Variants in DTNBP1 observed in about 807,000 individuals in gnomAD.
DTNBP1 encodes the protein dysbindin.
Under a neutral mutation model 42.8 loss-of-function variants are expected in DTNBP1, and 35 were observed. The ratio of observed to expected loss-of-function variants is 0.82; its 90% CI spans 0.63 to 1.09. DTNBP1 has a LOEUF of 1.09. DTNBP1 is among the 50% of genes least tolerant of loss of function. The pLI, the probability that DTNBP1 is intolerant of heterozygous loss-of-function variation, is 0.00. For missense variants in DTNBP1, 457 were observed against 424.2 expected, an observed-to-expected ratio of 1.08 and a Z score of -0.68; for synonymous variants, 171 against 162.2, an observed-to-expected ratio of 1.05 and a Z score of -0.41.
At chr6:15,648,928 T>G (rs1005978940) in intron 3 of DTNBP1, among the ~76,000 whole-genome samples, 1 of 151,984 alleles carries the variant, frequency 6.6e-6, no homozygotes, top group African/African-American at 2.4e-5. Context: ...CAAAACAATC[T>G]TGACAAGAAA....
At chr6:15,543,516 C>T (rs1773699136) in intron 7 of DTNBP1, among the ~76,000 whole-genome samples, 1 of 152,190 alleles carries the variant, frequency 6.6e-6, no homozygotes. Flanking sequence ...TTGCAGGATA[C>T]AGTAAATTCC....
chr6:15,591,789 TG>T (rs1467008978), intron 7 of DTNBP1, among the ~76,000 whole-genome samples: 2 of 152,350 alleles, frequency 1.3e-5, no homozygotes, highest in South Asian at 2.1e-4. Flanking sequence ...TTAACTTGAT[TG>T]TTTTTTTCAT....
chr6:15,540,091 T>C (rs1773471439), intron 7 of DTNBP1, among the ~76,000 whole-genome samples: 1 of 152,184 alleles, frequency 6.6e-6, no homozygotes. Context: ...CAGGACTCAC[T>C]ATGCACTGAA....
chr6:15,551,899 C>T (rs915802717), intron 7 of DTNBP1, among the ~76,000 whole-genome samples: 1 of 152,220 alleles, frequency 6.6e-6, no homozygotes, highest in African/African-American at 2.4e-5. Context: ...CGCAAAGCCA[C>T]AGCCAGCAGT....
At chr6:15,553,778 G>A (rs1774354336) in intron 7 of DTNBP1, among the ~76,000 whole-genome samples, 1 of 151,792 alleles carries the variant, frequency 6.6e-6, no homozygotes, top group Admixed American at 6.6e-5. Flanking sequence ...ATGGGGTTCA[G>A]GACACAATAC....
chr6:15,533,022 T>TA (rs763077001), intron 8 of DTNBP1, among the ~76,000 whole-genome samples: 112 of 151,826 alleles, frequency 7.4e-4, no homozygotes, highest in African/African-American at 2.6e-3. Flanking sequence ...TTAGAGGTAT[T>TA]AAAAAAAATA....
intron 7 of DTNBP1, among the ~76,000 whole-genome samples, chr6:15,544,902 GT>G (rs1231963211): frequency 6.6e-6 from 1 of 152,080 alleles, no homozygotes; most frequent in Non-Finnish European, 1.5e-5. Flanking sequence ...AATAATTGCT[GT>G]TTCCAAAGGT....
At chr6:15,570,597 G>GT (rs1458257162) in intron 7 of DTNBP1, among the ~76,000 whole-genome samples, 1 of 152,158 alleles carries the variant, frequency 6.6e-6, no homozygotes, top group Non-Finnish European at 1.5e-5. Context: ...CCCCACCTTC[G>GT]TTTTACACCA....
intron 7 of DTNBP1, among the ~76,000 whole-genome samples, chr6:15,578,982 A>T (rs1005927516): frequency 6.6e-6 from 1 of 152,232 alleles, no homozygotes; most frequent in Non-Finnish European, 1.5e-5. Flanking sequence ...TATGGAAAAC[A>T]GTATGGAGGT....
rs976802211 is a variant in DTNBP1 at position 15,620,327 on chromosome 6, G to T, written c.356-4928C>A. Among the ~76,000 whole-genome samples the T allele has an allele frequency of 3.3e-5, 5 of 152,120 alleles. No homozygotes were observed. In the South Asian group the frequency reaches 1.0e-3, roughly 32 times the overall value. On this transcript the variant is annotated intron_variant, in intron 5 of 9. Coordinates refer to ENST00000344537, the MANE Select transcript of DTNBP1 (RefSeq NM_032122.5). ...TGGTACATAAGGAGTTTATATGGGG[G>T]AATCAGGCAAAATGATGTACTGCCA...
At chr6:15,646,205 CCAA>C (rs1000126136) in intron 3 of DTNBP1, among the ~76,000 whole-genome samples, 178 of 151,548 alleles carry the variant, frequency 1.2e-3, no homozygotes, top group African/African-American at 3.8e-3. Context: ...TTTTTATACA[CCAA>C]CAACATTCAA....
At chr6:15,580,561 T>C (rs939123771) in intron 7 of DTNBP1, among the ~76,000 whole-genome samples, 2 of 152,186 alleles carry the variant, frequency 1.3e-5, no homozygotes, top group African/African-American at 4.8e-5. Context: ...GCTCATTTCA[T>C]AAGGGGAAAA....
At position 15,604,265 on chromosome 6, in the gene DTNBP1, C is replaced by T. The variant is rs1303245703; in HGVS notation, c.488+11002G>A. On this transcript the variant is annotated intron_variant, in intron 6 of 9. Coordinates refer to ENST00000344537, the MANE Select transcript of DTNBP1 (RefSeq NM_032122.5). ...CCCTGTTACTCCATCCTGGTGGATG[C>T]AGAAGTCTGCTCCCTTTTTGTAAAG... is the stretch of plus-strand genomic sequence containing the variant. Among the ~76,000 whole-genome samples the T allele has an allele frequency of 2.0e-5, 3 of 152,212 alleles. No homozygotes were observed. In the East Asian group the frequency reaches 5.8e-4, roughly 29 times the overall value.
At chr6:15,624,032 T>G (rs541297187) in intron 5 of DTNBP1, among the ~76,000 whole-genome samples, 1 of 152,234 alleles carries the variant, frequency 6.6e-6, no homozygotes, top group Non-Finnish European at 1.5e-5. Flanking sequence ...GTCAGCATCT[T>G]GATGGCAGGT....
chr6:15,550,460 T>G (rs1428820365), intron 7 of DTNBP1, among the ~76,000 whole-genome samples: 1 of 152,232 alleles, frequency 6.6e-6, no homozygotes, highest in Non-Finnish European at 1.5e-5. Flanking sequence ...ACAAAATATT[T>G]ATCCAAAGCT....
intron 8 of DTNBP1, among the ~76,000 whole-genome samples, chr6:15,531,976 C>A (rs1441184772): frequency 2.0e-5 from 3 of 152,180 alleles, no homozygotes; most frequent in Non-Finnish European, 4.4e-5. Flanking sequence ...GGACACAGAA[C>A]TGGATGACAA....
At chr6:15,567,605 C>T (rs1775152286) in intron 7 of DTNBP1, among the ~76,000 whole-genome samples, 1 of 152,172 alleles carries the variant, frequency 6.6e-6, no homozygotes, top group Non-Finnish European at 1.5e-5. Flanking sequence ...ACCTGTAAGC[C>T]CCCTCGCTTC....
intron 7 of DTNBP1, among the ~76,000 whole-genome samples, chr6:15,534,686 G>C (rs1183925856): frequency 6.7e-6 from 1 of 149,120 alleles, no homozygotes; most frequent in African/African-American, 2.5e-5. Flanking sequence ...AAAAGCTTGG[G>C]AACAAAAAAA....
At chr6:15,543,601 GTTC>G (rs1209389760) in intron 7 of DTNBP1, among the ~76,000 whole-genome samples, 1 of 152,200 alleles carries the variant, frequency 6.6e-6, no homozygotes, top group Non-Finnish European at 1.5e-5. Flanking sequence ...TAAGTTCTGA[GTTC>G]TTCTTCAAAG....
Sources: allele counts gnomAD v4.1 joint callset (sites outside exome capture counted in the v4.1 genomes callset), GRCh38; gene constraint gnomAD v4.1.1; transcripts MANE v1.5; gene names NCBI Gene and HGNC (gene_info 2026-07-23, HGNC 2026-07-21).